APPL2: variants seen among roughly 807,000 people sequenced by gnomAD.
APPL2 encodes adaptor protein, phosphotyrosine interacting with PH domain and leucine zipper 2, also known as DCC-interacting protein 13-beta.
APPL2 carries 84 observed loss-of-function variants against 92.7 expected under a neutral mutation model. The ratio of observed to expected loss-of-function variants is 0.91; its 90% CI spans 0.76 to 1.09. The LOEUF (loss-of-function observed/expected upper bound fraction) is 1.09, where lower values mean the gene tolerates loss of function less well. Among genes scored for constraint, APPL2 ranks in the 50% least tolerant of loss-of-function variants. The pLI is 0.00. For missense variants in APPL2, 736 were observed against 824.5 expected (o/e 0.89, Z 1.31); for synonymous variants, 291 against 291.0 (o/e 1.00, Z 0.00).
chr12:105,174,400 C>T lies in APPL2; in HGVS notation c.1909G>A (p.Asp637Asn), dbSNP rs771982344. 5 of 1,613,890 alleles carry T rather than the reference C, an allele frequency of 3.1e-6. No individual in the cohort carries two copies. Among genetic ancestry groups the T allele is most frequent in the African/African-American group, 2.7e-5 (2 of 74,902 alleles). Residue 637 changes from aspartate (D) to asparagine (N), a missense_variant, in exon 21 of 21, where the codon GAC (aspartate) becomes AAC (asparagine). Coordinates refer to ENST00000258530, the MANE Select transcript of APPL2 (RefSeq NM_018171.5). ...TCGTTTAACAGTACATATTTTCCGT[C>T]ATTGGTTAGTGGTATGGACAGCATT... is the stretch of plus-strand genomic sequence containing the variant. Reference protein sequence around the residue: ...QLMLSIPLTNDGKYVLLNDQP... With the variant: ...QLMLSIPLTNNGKYVLLNDQP...
Position 105,215,220 on chromosome 12 carries a change from G to C in APPL2, c.285+1849C>G, listed in dbSNP as rs75224156. 1.6e-4 allele frequency among the ~76,000 whole-genome samples: 24 copies of C among 152,272 alleles called. No homozygotes were observed. In the East Asian group the frequency reaches 4.4e-3, roughly 28 times the overall value. Reference sequence around the variant, plus strand: ...GACTTGCAATTGGCATCTGAAGTGTGGGGGAGGGGGTAGTCTGGCGGGATC... The same window carrying C: ...GACTTGCAATTGGCATCTGAAGTGTCGGGGAGGGGGTAGTCTGGCGGGATC... On this transcript the variant is annotated intron_variant, in intron 4 of 20. Transcript: ENST00000258530.
intron 17 of APPL2, among the ~76,000 whole-genome samples, chr12:105,186,718 T>TATATATCATATATATC (rs1886754311): frequency 7.6e-6 from 1 of 131,616 alleles, no homozygotes; most frequent in African/African-American, 3.0e-5. Flanking sequence ...TATCATATCA[T>TATATATCATATATATC]ATATATATCA....
chr12:105,189,885 T>C (rs1425959218), intron 15 of APPL2, 61 bp from the exon 16 acceptor site: 7 of 1,611,686 alleles, frequency 4.3e-6, no homozygotes, highest in Admixed American at 3.3e-5. Context: ...CACTTAACAC[T>C]TGAACTGGAA....
At chr12:105,175,663 A>G (rs1335762673) in intron 20 of APPL2, among the ~76,000 whole-genome samples, 3 of 152,238 alleles carry the variant, frequency 2.0e-5, no homozygotes, top group Non-Finnish European at 4.4e-5. Flanking sequence ...CTCATTTCTT[A>G]AAAGCTCCCA....
intron 2 of APPL2, among the ~76,000 whole-genome samples, chr12:105,225,101 G>C (rs1363910333): frequency 6.6e-6 from 1 of 151,782 alleles, no homozygotes; most frequent in Non-Finnish European, 1.5e-5. Flanking sequence ...GAAGGAAAGT[G>C]AGAGTCTTAA....
At chr12:105,232,329 C>T (rs758566406) in intron 1 of APPL2, among the ~76,000 whole-genome samples, 2 of 152,146 alleles carry the variant, frequency 1.3e-5, no homozygotes, top group Non-Finnish European at 2.9e-5. Context: ...CCCTATCACT[C>T]CTTTACCTTA....
chr12:105,211,340 C>T lies in APPL2; in HGVS notation c.286-23G>A, dbSNP rs764438183. ...AAGCTGAAAGAAAGAGAATGGTATT[C>T]AAGTAAATTAAATACATTATTATTA... On this transcript the variant is annotated intron_variant, in intron 4 of 20. Coordinates refer to ENST00000258530, the MANE Select transcript of APPL2 (RefSeq NM_018171.5). 5.3e-6 allele frequency: 8 copies of T among 1,503,832 alleles called. No individual in the cohort carries two copies. In the East Asian group the frequency reaches 1.6e-4, roughly 30 times the overall value. The allele number at this position is 1,503,832 out of a possible 1,614,324, so 93.2% of individuals were successfully genotyped here. A position where few individuals can be genotyped will look rare whatever the true frequency, so the allele number is the denominator to read the frequency against.
At chr12:105,208,585 C>T (rs1888957335) in intron 5 of APPL2, among the ~76,000 whole-genome samples, 1 of 152,226 alleles carries the variant, frequency 6.6e-6, no homozygotes, top group African/African-American at 2.4e-5. Context: ...CATCTTTCTA[C>T]ACCCAGAACC....
At chr12:105,224,834 C>T (rs1426575995) in intron 2 of APPL2, among the ~76,000 whole-genome samples, 1 of 152,144 alleles carries the variant, frequency 6.6e-6, no homozygotes. Flanking sequence ...GGTACATTCA[C>T]TTGTTTAGCT....
At chr12:105,210,122 G>A (rs887157874) in intron 5 of APPL2, among the ~76,000 whole-genome samples, 3 of 152,106 alleles carry the variant, frequency 2.0e-5, no homozygotes, top group South Asian at 2.1e-4. Flanking sequence ...CACCATGCCC[G>A]GCTAATTTTT....
At chr12:105,189,623 C>G in intron 16 of APPL2, 149 bp downstream of exon 16, 1 of 880,684 alleles carries the variant, frequency 1.1e-6, no homozygotes, top group Non-Finnish European at 1.8e-6. Context: ...CTTGCCTCCA[C>G]TGCAGATATC....
chr12:105,215,491 C>A (rs1329731319), intron 4 of APPL2, among the ~76,000 whole-genome samples: 2 of 152,130 alleles, frequency 1.3e-5, no homozygotes, highest in African/African-American at 4.8e-5. Context: ...TTTTACATCC[C>A]CCGTGCCTAG....
At chr12:105,206,409 G>C (rs1888705925) in intron 8 of APPL2, among the ~76,000 whole-genome samples, 1 of 152,162 alleles carries the variant, frequency 6.6e-6, no homozygotes. Context: ...ACGCAGGATG[G>C]GGTGGAAAGT....
chr12:105,173,434 G>C lies in APPL2; in HGVS notation c.*880C>G, dbSNP rs1456442509. 2 of 152,614 alleles carry C rather than the reference G, an allele frequency of 1.3e-5. No homozygotes were observed. The highest frequency in any genetic ancestry group is 4.8e-5 in the African/African-American group (2 of 41,444). 9.5% of individuals were successfully genotyped at this position (152,614 alleles called of 1,614,324 possible). On this transcript the variant is annotated 3_prime_UTR_variant, in exon 21 of 21. Coordinates refer to ENST00000258530, the MANE Select transcript of APPL2 (RefSeq NM_018171.5). The stretch of plus-strand genomic sequence containing the variant: ...TTTGATAGGGAGGAGGGATGGGGGA[G>C]TGGGCTGGGGTTCCAGGAATTGGAA...
At chr12:105,224,312 A>C (rs961555219) in intron 2 of APPL2, among the ~76,000 whole-genome samples, 1 of 152,218 alleles carries the variant, frequency 6.6e-6, no homozygotes, top group African/African-American at 2.4e-5. Context: ...AAAACTAATG[A>C]AACCAAGAAA....
Position 105,173,994 on chromosome 12 carries a change from GAA to G in APPL2, c.*318_*319del, listed in dbSNP as rs1398890365. 5.5e-6 allele frequency: 1 copy of G among 182,730 alleles called. No individual in the cohort carries two copies. The highest frequency in any genetic ancestry group is 2.3e-5 in the African/African-American group (1 of 42,628). 11.3% of individuals were successfully genotyped at this position (182,730 alleles called of 1,614,324 possible). ...TTTTTTAAAAAGGATACTGGAAACT[GAA>G]AAGAGATGACATTCATATGAACAAT... On this transcript the variant is annotated 3_prime_UTR_variant, in exon 21 of 21. Transcript: ENST00000258530.
chr12:105,179,072 G>C (rs938010735), intron 17 of APPL2, among the ~76,000 whole-genome samples: 2 of 152,122 alleles, frequency 1.3e-5, no homozygotes, highest in South Asian at 2.1e-4. Context: ...TTGCTGTGGT[G>C]GTTTGCTGCG....
At chr12:105,224,603 C>T (rs1355031234) in intron 2 of APPL2, among the ~76,000 whole-genome samples, 1 of 152,246 alleles carries the variant, frequency 6.6e-6, no homozygotes, top group Non-Finnish European at 1.5e-5. Flanking sequence ...TGAGTCTTAG[C>T]TTCCTCATCT....
Position 105,195,499 on chromosome 12 carries a change from C to T in APPL2, c.1098G>A (p.Trp366Ter). 3 of 1,614,146 alleles carry T rather than the reference C, an allele frequency of 1.9e-6. No individual in the cohort carries two copies. The highest frequency in any genetic ancestry group is 1.7e-6 in the Non-Finnish European group (2 of 1,180,024). The change falls in exon 13 of 21, where the codon TGG becomes TGA. Residue 366 changes from tryptophan (W) to a stop codon, truncating the protein, a stop_gained and splice_region_variant. Coordinates refer to ENST00000258530, the MANE Select transcript of APPL2 (RefSeq NM_018171.5). LOFTEE classifies it high-confidence loss of function. ...QAESRKENEE[W>*]ICAINNISRQ... is the part of the protein sequence containing the mutation. ...TGGAGATGTTGTTTATTGCACATAT[C>T]CACTGTAGAGGACATTAAAAAAGAA...
Sources: allele counts gnomAD v4.1 joint callset (sites outside exome capture counted in the v4.1 genomes callset), GRCh38; gene constraint gnomAD v4.1.1; transcripts MANE v1.5; gene names NCBI Gene and HGNC (gene_info 2026-07-23, HGNC 2026-07-21).